SH3KBP1: variants seen among roughly 807,000 people sequenced by gnomAD.
SH3KBP1 encodes the protein SH3 domain-containing kinase-binding protein 1.
SH3KBP1 carries 8 observed loss-of-function variants against 50.1 expected under a neutral mutation model. The observed-to-expected ratio is 0.16, with a 90% confidence interval of 0.09 to 0.29. The LOEUF (loss-of-function observed/expected upper bound fraction) is 0.29. SH3KBP1 is among the 10% of genes least tolerant of loss of function. The pLI, the probability that SH3KBP1 is intolerant of heterozygous loss-of-function variation, is 1.00. For missense variants in SH3KBP1, 377 were observed against 535.2 expected, an observed-to-expected ratio of 0.70 and a Z score of 2.92; for synonymous variants, 227 against 218.6, an observed-to-expected ratio of 1.04 and a Z score of -0.34.
intron 1 of SH3KBP1, among the ~76,000 whole-genome samples, chrX:19,886,034 T>C (rs1440098720): frequency 9.0e-6 from 1 of 111,177 alleles, no homozygotes; most frequent in Non-Finnish European, 1.9e-5. Flanking sequence ...AAAAAAGGTG[T>C]TGTATGAGAA....
At chrX:19,736,239 C>T (rs2064569919) in intron 3 of SH3KBP1, among the ~76,000 whole-genome samples, 1 of 112,327 alleles carries the variant, frequency 8.9e-6, no homozygotes, top group Non-Finnish European at 1.9e-5. Flanking sequence ...CACTCTATTG[C>T]CTCCCTATCC....
intron 1 of SH3KBP1, among the ~76,000 whole-genome samples, chrX:19,841,356 T>C (rs1480449510): frequency 8.9e-6 from 1 of 112,665 alleles, no homozygotes; most frequent in African/African-American, 3.2e-5. Context: ...CCTAGCATCC[T>C]GTCTGCTTCA....
intron 6 of SH3KBP1, among the ~76,000 whole-genome samples, chrX:19,664,513 T>A (rs1401074687): frequency 8.9e-6 from 1 of 111,766 alleles, no homozygotes; most frequent in Non-Finnish European, 1.9e-5. Flanking sequence ...TTTCATCTCT[T>A]ATCCAGACCA....
chrX:19,878,505 T>TGTGTGTGTGTGTGTGTGTGAGAGAGAGA (rs1491094714), intron 1 of SH3KBP1, among the ~76,000 whole-genome samples: 3 of 48,216 alleles, frequency 6.2e-5, no homozygotes, highest in African/African-American at 1.8e-4. Flanking sequence ...TGTGTGTGTG[T>TGTGTGTGTGTGTGTGTGTGAGAGAGAGA]GAGAGAGAGA....
intron 2 of SH3KBP1, among the ~76,000 whole-genome samples, chrX:19,804,763 T>C (rs1488208391): frequency 9.2e-6 from 1 of 108,753 alleles, no homozygotes; most frequent in East Asian, 2.9e-4. Context: ...AGCCAGAAGA[T>C]AGAGAGCTAG....
chrX:19,676,614 C>A (rs2062935855), intron 6 of SH3KBP1, among the ~76,000 whole-genome samples: 1 of 110,956 alleles, frequency 9.0e-6, no homozygotes, highest in Admixed American at 9.6e-5. Context: ...CATAAATACA[C>A]CTATTATGTA....
chrX:19,836,025 C>A, intron 2 of SH3KBP1, 100 bp downstream of exon 2: 1 of 792,645 alleles, frequency 1.3e-6, no homozygotes. Context: ...GCAAGCCATT[C>A]CCTAAGAGAG....
chrX:19,785,792 T>C (rs1179662501), intron 2 of SH3KBP1, among the ~76,000 whole-genome samples: 3 of 111,635 alleles, frequency 2.7e-5, no homozygotes, highest in Non-Finnish European at 5.6e-5. Flanking sequence ...CGGATGAACC[T>C]TGAGGACATT....
chrX:19,567,298 C>T (rs1302502994), intron 13 of SH3KBP1, among the ~76,000 whole-genome samples: 1 of 106,387 alleles, frequency 9.4e-6, no homozygotes, highest in East Asian at 2.9e-4. Flanking sequence ...GTGGGAGGAT[C>T]GCTTGAGCCT....
At chrX:19,873,002 C>G (rs1044202047) in intron 1 of SH3KBP1, among the ~76,000 whole-genome samples, 1 of 109,208 alleles carries the variant, frequency 9.2e-6, no homozygotes, top group African/African-American at 3.3e-5. Flanking sequence ...TCTTCCTTCT[C>G]ATCATCAGGG....
At chrX:19,663,144 A>G (rs2062504054) in intron 6 of SH3KBP1, among the ~76,000 whole-genome samples, 1 of 111,374 alleles carries the variant, frequency 9.0e-6, no homozygotes, top group African/African-American at 3.3e-5. Context: ...TTCCTGTACT[A>G]AAATATTTCC....
chrX:19,559,399 T>C (rs1169358780), intron 13 of SH3KBP1, among the ~76,000 whole-genome samples: 1 of 99,263 alleles, frequency 1.0e-5, no homozygotes, highest in Non-Finnish European at 2.0e-5. Context: ...CGATCTTGGC[T>C]CACTGCAACC....
At chrX:19,576,069 G>T (rs888862877) in intron 12 of SH3KBP1, among the ~76,000 whole-genome samples, 4 of 112,541 alleles carry the variant, frequency 3.6e-5, no homozygotes, top group Admixed American at 9.4e-5. Context: ...GAAGTCAGGA[G>T]ATACTACCAT....
At chrX:19,794,649 G>T (rs1006189854) in intron 2 of SH3KBP1, among the ~76,000 whole-genome samples, 2 of 111,150 alleles carry the variant, frequency 1.8e-5, no homozygotes, top group Non-Finnish European at 3.8e-5. Flanking sequence ...CTTGCAGTGA[G>T]CCGAGATAGC....
intron 1 of SH3KBP1, among the ~76,000 whole-genome samples, chrX:19,856,435 C>T (rs1006698550): frequency 1.8e-5 from 2 of 111,350 alleles, no homozygotes; most frequent in South Asian, 7.5e-4. Flanking sequence ...ATAAACGGGC[C>T]TCAGAAAGCC....
intron 2 of SH3KBP1, among the ~76,000 whole-genome samples, chrX:19,749,398 G>T (rs756902471): frequency 1.7e-4 from 19 of 112,700 alleles, no homozygotes; most frequent in Non-Finnish European, 3.2e-4. Context: ...ATAGCCAAAA[G>T]AAGGAAATAA....
rs778015492 is a variant in SH3KBP1 at position 19,721,822 on chromosome X, C to G, written c.287-14838G>C. Among the ~76,000 whole-genome samples the G allele has an allele frequency of 7.2e-5, 8 of 110,480 alleles. No individual in the cohort carries two copies. The South Asian group carries it at 3.1e-3, about 43-fold the overall frequency. On this transcript the variant is annotated intron_variant, in intron 3 of 17. Coordinates refer to ENST00000397821, the MANE Select transcript of SH3KBP1 (RefSeq NM_031892.3). Reference sequence around the variant, plus strand: ...AAGGCCTGAGCAACGTGGCGAGAACCTGTCTCTACAAAAAATAAAAATAAA... The same window carrying G: ...AAGGCCTGAGCAACGTGGCGAGAACGTGTCTCTACAAAAAATAAAAATAAA...
At chrX:19,674,064 G>A (rs571847439) in intron 6 of SH3KBP1, among the ~76,000 whole-genome samples, 2 of 112,309 alleles carry the variant, frequency 1.8e-5, no homozygotes, top group Admixed American at 1.9e-4. Flanking sequence ...TCTCATTGAT[G>A]CTTTGGACAT....
chrX:19,753,061 T>C (rs2065112283), intron 2 of SH3KBP1, among the ~76,000 whole-genome samples: 1 of 111,988 alleles, frequency 8.9e-6, no homozygotes, highest in African/African-American at 3.2e-5. Flanking sequence ...CCAACAGTAT[T>C]GGCACACAGA....
Sources: gnomAD v4.1 joint callset for allele counts (sites outside exome capture counted in the v4.1 genomes callset) on GRCh38, gnomAD v4.1.1 for gene constraint, MANE v1.5 for transcripts, NCBI Gene and HGNC (gene_info 2026-07-23, HGNC 2026-07-21) for gene names.